Variants in NRXN1 observed in about 807,000 individuals in gnomAD.
NRXN1 encodes the protein neurexin 1.
NRXN1 carries 39 observed loss-of-function variants against 150.9 expected under a neutral mutation model. That is an observed-to-expected ratio of 0.26 (90% CI 0.20 to 0.34). NRXN1 has a LOEUF of 0.34. Among genes scored for constraint, NRXN1 ranks in the 10% least tolerant of loss-of-function variants. NRXN1 has a pLI of 1.00. For missense variants in NRXN1, 1,815 were observed against 1,949.9 expected (o/e 0.93, Z 1.30); for synonymous variants, 924 against 757.0 (o/e 1.22, Z -3.62).
At chr2:50,559,591 T>C (rs772935099) in intron 8 of NRXN1, among the ~76,000 whole-genome samples, 11 of 152,168 alleles carry the variant, frequency 7.2e-5, no homozygotes, top group Non-Finnish European at 1.6e-4. Context: ...GTAAACTATA[T>C]GTGATCAACA....
rs952634932 is a variant in NRXN1, at chr2:50,586,475, T to G, written c.1321-33450A>C. ...TCATTTTCCCTTTTGTTCCCTATTG[T>G]ATACCGACCTATAATAGTGTCTGGT... On this transcript the variant is annotated intron_variant, in intron 8 of 22. Coordinates refer to ENST00000401669, the MANE Select transcript of NRXN1 (RefSeq NM_001330078.2). 3.3e-5 allele frequency among the ~76,000 whole-genome samples: 5 copies of G among 152,166 alleles called. No individual in the cohort carries two copies. The South Asian group carries it at 1.0e-3, about 32-fold the overall frequency.
At chr2:50,008,195 T>C (rs906851919) in intron 21 of NRXN1, among the ~76,000 whole-genome samples, 5 of 152,066 alleles carry the variant, frequency 3.3e-5, no homozygotes, top group Admixed American at 3.3e-4. Flanking sequence ...TGATACATGG[T>C]TTTCCAAGTG....
intron 18 of NRXN1, among the ~76,000 whole-genome samples, chr2:50,178,771 G>C (rs1348797088): frequency 6.6e-6 from 1 of 152,030 alleles, no homozygotes; most frequent in Non-Finnish European, 1.5e-5. Context: ...ATTATTACAA[G>C]ATTTAAATAT....
chr2:50,493,727 A>C (rs893875695), intron 15 of NRXN1, among the ~76,000 whole-genome samples: 4 of 152,172 alleles, frequency 2.6e-5, no homozygotes, highest in African/African-American at 9.7e-5. Flanking sequence ...TGTTAGCTCA[A>C]ACTTGGACTA....
chr2:50,323,439 G>C (rs1273209624), intron 17 of NRXN1, among the ~76,000 whole-genome samples: 1 of 152,114 alleles, frequency 6.6e-6, no homozygotes, highest in East Asian at 1.9e-4. Flanking sequence ...CTAAAGAGCA[G>C]ATATGGTGCC....
intron 5 of NRXN1, among the ~76,000 whole-genome samples, chr2:50,793,837 T>C (rs1706411918): frequency 6.6e-6 from 1 of 152,070 alleles, no homozygotes. Context: ...TTATCCACAA[T>C]GATTCTCATG....
chr2:50,047,771 G>A (rs1213651614), intron 21 of NRXN1, among the ~76,000 whole-genome samples: 1 of 148,902 alleles, frequency 6.7e-6, no homozygotes. Flanking sequence ...CTTGTCTATT[G>A]CCCATCTTCT....
At chr2:50,343,677 G>A (rs2077718384) in intron 17 of NRXN1, among the ~76,000 whole-genome samples, 1 of 152,198 alleles carries the variant, frequency 6.6e-6, no homozygotes, top group Non-Finnish European at 1.5e-5. Context: ...CCTTGTAAGT[G>A]ACACCTCATA....
chr2:50,518,879 T>C (rs1366436494), intron 12 of NRXN1, among the ~76,000 whole-genome samples: 1 of 150,000 alleles, frequency 6.7e-6, no homozygotes, highest in Non-Finnish European at 1.5e-5. Flanking sequence ...TATTCTAGTA[T>C]AAACTTTTTC....
intron 18 of NRXN1, among the ~76,000 whole-genome samples, chr2:50,143,358 A>C (rs1292925520): frequency 6.6e-6 from 1 of 151,952 alleles, no homozygotes; most frequent in Non-Finnish European, 1.5e-5. Flanking sequence ...ATTTAGGATA[A>C]ATAATATGAA....
At chr2:50,078,638 C>T (rs539330618) in intron 19 of NRXN1, among the ~76,000 whole-genome samples, 13 of 152,088 alleles carry the variant, frequency 8.5e-5, no homozygotes, top group African/African-American at 3.1e-4. Flanking sequence ...TTTTGTAATT[C>T]GTGTAGTTAA....
intron 12 of NRXN1, among the ~76,000 whole-genome samples, chr2:50,528,177 T>C (rs747113963): frequency 5.9e-5 from 9 of 152,162 alleles, no homozygotes; most frequent in Non-Finnish European, 8.8e-5. Context: ...ACGAGTAATT[T>C]TCTATGTCTA....
At chr2:50,889,647 G>A (rs559576973) in intron 5 of NRXN1, among the ~76,000 whole-genome samples, 1 of 151,544 alleles carries the variant, frequency 6.6e-6, no homozygotes, top group Admixed American at 6.6e-5. Flanking sequence ...TTATGTAGTA[G>A]AGCTAAAATC....
intron 17 of NRXN1, among the ~76,000 whole-genome samples, chr2:50,237,415 G>A (rs769947735): frequency 1.1e-4 from 17 of 151,952 alleles, no homozygotes; most frequent in Non-Finnish European, 1.2e-4. Flanking sequence ...GGAGAAAGTC[G>A]CAACAAATGT....
At chr2:50,298,602 C>T (rs1448544182) in intron 17 of NRXN1, among the ~76,000 whole-genome samples, 2 of 152,004 alleles carry the variant, frequency 1.3e-5, no homozygotes, top group African/African-American at 4.8e-5. Flanking sequence ...TTTTATCCAC[C>T]ACTTCTTTCC....
At chr2:50,727,733 C>A (rs12991070) in intron 5 of NRXN1, among the ~76,000 whole-genome samples, 1 of 151,908 alleles carries the variant, frequency 6.6e-6, no homozygotes, top group African/African-American at 2.4e-5. Flanking sequence ...TTTACCATGG[C>A]AATATATAAG....
intron 5 of NRXN1, among the ~76,000 whole-genome samples, chr2:50,691,403 A>C (rs1265775463): frequency 6.6e-6 from 1 of 152,204 alleles, no homozygotes; most frequent in African/African-American, 2.4e-5. Context: ...ATCTCATAAG[A>C]CATTTTGATA....
Position 50,236,958 on chromosome 2 carries a change from T to C in NRXN1, c.3377A>G (p.Tyr1126Cys), listed in dbSNP as rs1559146182. The stretch of plus-strand genomic sequence containing the variant: ...TTGTCCACCACCTTTGCTAAAGATA[T>C]ATGTCGTCCCAGCTGGAAAACAAAA... ...GPLCNDPGTT[Y>C]IFSKGGGQIT... is the part of the protein sequence containing the mutation. The change falls in exon 18 of 23, where the codon TAT (tyrosine) becomes TGT (cysteine). Residue 1126 changes from tyrosine (Y) to cysteine (C), a missense_variant. This residue lies in a region of NRXN1 where 339 missense variants were observed against 440.3 expected (regional missense o/e 0.77). Transcript: ENST00000401669. 6.2e-7 allele frequency: 1 copy of C among 1,613,130 alleles called. No individual in the cohort carries two copies.
intron 17 of NRXN1, among the ~76,000 whole-genome samples, chr2:50,243,373 T>C (rs2066208365): frequency 6.6e-6 from 1 of 151,804 alleles, no homozygotes; most frequent in Non-Finnish European, 1.5e-5. Context: ...GCAAATTGTA[T>C]GTTCTGTCAA....
Sources: gnomAD v4.1 joint callset for allele counts (sites outside exome capture counted in the v4.1 genomes callset) on GRCh38, gnomAD v4.1.1 for gene constraint, gnomAD v4.1.1 regional missense constraint, MANE v1.5 for transcripts, NCBI Gene and HGNC (gene_info 2026-07-23, HGNC 2026-07-21) for gene names.